PAX5: variants seen among roughly 807,000 people sequenced by gnomAD.
PAX5 encodes paired box 5, also known as paired box protein Pax-5.
In PAX5, 9 loss-of-function variants were observed where a neutral mutation model predicts 43.7. That is an observed-to-expected ratio of 0.21 (90% CI 0.12 to 0.36). The LOEUF (loss-of-function observed/expected upper bound fraction) is 0.36. Ranked by LOEUF, PAX5 falls within the 10% of genes least tolerant of loss-of-function variation. PAX5 has a pLI of 1.00. For synonymous variants in PAX5, 228 were observed against 214.3 expected (o/e 1.06, Z -0.56); for missense variants, 383 against 532.7 (o/e 0.72, Z 2.77).
intron 7 of PAX5, among the ~76,000 whole-genome samples, chr9:36,894,700 C>G (rs1827698437): frequency 2.6e-5 from 4 of 152,246 alleles, no homozygotes. Context: ...AGCACAGGGC[C>G]CAGCACAGAG....
chr9:36,855,737 G>A (rs1016152655), intron 8 of PAX5, among the ~76,000 whole-genome samples: 1 of 151,986 alleles, frequency 6.6e-6, no homozygotes, highest in Non-Finnish European at 1.5e-5. Flanking sequence ...ACCCCTACCC[G>A]CCACAAGCCA....
intron 8 of PAX5, among the ~76,000 whole-genome samples, chr9:36,868,738 T>G (rs182226073): frequency 6.6e-6 from 1 of 152,124 alleles, no homozygotes; most frequent in Non-Finnish European, 1.5e-5. Flanking sequence ...CACCGGAGGC[T>G]CAGAGACCCT....
Position 37,031,521 on chromosome 9 carries a change from A to G in PAX5, c.46+2465T>C, listed in dbSNP as rs531637465. ...GTTCCCATGGCAAGGAGAGACTACT[A>G]CTTGTCCAAGTAGTAGTTTTTCTCC... On this transcript the variant is annotated intron_variant, in intron 1 of 9. Transcript: ENST00000358127. 3.1e-3 allele frequency among the ~76,000 whole-genome samples: 473 copies of G among 152,140 alleles called. 1 individual carries two copies. The highest frequency in any genetic ancestry group is 0.01 in the Middle Eastern group (3 of 294).
At position 36,835,848 on chromosome 9, in the gene PAX5, A is replaced by G. The variant is rs756462347; in HGVS notation, c.*4712T>C. ...GCTCAGAGCCCTGTGGGATCCACCC[A>G]TGCCTGCCTGGGCCTGGCCTGGCCG... On this transcript the variant is annotated 3_prime_UTR_variant, in exon 10 of 10. Coordinates refer to ENST00000358127, the MANE Select transcript of PAX5 (RefSeq NM_016734.3). The G allele has an allele frequency of 4.3e-6, 1 of 232,990 alleles. No homozygotes were observed. The highest frequency in any genetic ancestry group is 8.5e-6 in the Non-Finnish European group (1 of 118,124). 14.4% of individuals were successfully genotyped at this position (232,990 alleles called of 1,614,324 possible). A position where few individuals can be genotyped will look rare whatever the true frequency, so the allele number is the denominator to read the frequency against.
intron 6 of PAX5, among the ~76,000 whole-genome samples, chr9:36,945,428 G>A (rs1184243591): frequency 1.3e-5 from 2 of 152,104 alleles, no homozygotes; most frequent in Non-Finnish European, 1.5e-5. Flanking sequence ...TTTTTGTAGG[G>A]ATGAGGTCTT....
chr9:37,008,956 T>C (rs1185424782), intron 3 of PAX5, among the ~76,000 whole-genome samples: 2 of 152,202 alleles, frequency 1.3e-5, no homozygotes, highest in African/African-American at 4.8e-5. Context: ...TCACTTTCTC[T>C]GTGTGTATGT....
chr9:36,867,984 C>T (rs1242240859), intron 8 of PAX5, among the ~76,000 whole-genome samples: 1 of 152,198 alleles, frequency 6.6e-6, no homozygotes, highest in African/African-American at 2.4e-5. Flanking sequence ...ACCCCGCGTT[C>T]CCGGCCCCGG....
intron 5 of PAX5, among the ~76,000 whole-genome samples, chr9:36,985,332 G>A (rs1836300691): frequency 6.6e-6 from 1 of 152,142 alleles, no homozygotes; most frequent in Admixed American, 6.5e-5. Flanking sequence ...GGGCTTTTTT[G>A]GATGAAAGGT....
At chr9:36,957,301 G>A (rs551231159) in intron 6 of PAX5, among the ~76,000 whole-genome samples, 55 of 152,294 alleles carry the variant, frequency 3.6e-4, no homozygotes, top group Middle Eastern at 3.4e-3. Flanking sequence ...GGGAAATAAC[G>A]TGCCAGAAGC....
At position 37,002,736 on chromosome 9, in the gene PAX5, C is replaced by T. The variant is rs1404785279; in HGVS notation, c.516G>A (p.Thr172=). Residue 172 remains threonine, a synonymous_variant, in exon 5 of 10, where the codon ACG becomes ACA. Coordinates refer to ENST00000358127, the MANE Select transcript of PAX5 (RefSeq NM_016734.3). ...GSVTQVSSVS[T]DSAGSSYSIS... is the part of the protein sequence containing the mutation. ...TGGAGTACGACGAGCCGGCCGAATC[C>T]GTGCTCACCGAGGACACCTGCGTCA... 2 of 1,610,528 alleles carry T rather than the reference C, an allele frequency of 1.2e-6. No individual in the cohort carries two copies. Among genetic ancestry groups the T allele is most frequent in the Non-Finnish European group, 1.7e-6 (2 of 1,178,880 alleles).
chr9:36,885,886 T>C (rs752638713), intron 7 of PAX5, among the ~76,000 whole-genome samples: 2 of 152,170 alleles, frequency 1.3e-5, no homozygotes, highest in African/African-American at 4.8e-5. Flanking sequence ...TTCAGTTTTA[T>C]GAAAAAACAA....
At chr9:37,027,932 T>G (rs1008961090) in intron 1 of PAX5, among the ~76,000 whole-genome samples, 13 of 152,292 alleles carry the variant, frequency 8.5e-5, no homozygotes, top group Admixed American at 2.6e-4. Flanking sequence ...ACAAACGCGC[T>G]GGACTAAGGC....
intron 7 of PAX5, among the ~76,000 whole-genome samples, chr9:36,885,693 G>C (rs1826849550): frequency 6.6e-6 from 1 of 152,164 alleles, no homozygotes; most frequent in Non-Finnish European, 1.5e-5. Context: ...CCACACAGAA[G>C]CATGCCTTCT....
Position 36,846,883 on chromosome 9 carries a change from C to T in PAX5, c.1059G>A (p.Ser353=), listed in dbSNP as rs774366679. The part of the protein sequence containing the change: ...GSPYSHPQYS[S]YNDSWRFPNP... ...TGGGGAACCTCCAGGAGTCGTTGTA[C>T]GAGGAATACTGAGGGTGGCTGTAGG... The change falls in exon 9 of 10, where the codon TCG becomes TCA. Residue 353 remains serine (S), a synonymous_variant. Transcript: ENST00000358127. 39 of 1,613,950 alleles carry T rather than the reference C, an allele frequency of 2.4e-5. No individual in the cohort carries two copies. The highest frequency in any genetic ancestry group is 1.6e-4 in the Middle Eastern group (1 of 6,084).
intron 1 of PAX5, among the ~76,000 whole-genome samples, chr9:37,029,647 C>T (rs996159179): frequency 7.2e-5 from 11 of 152,200 alleles, no homozygotes; most frequent in African/African-American, 2.4e-4. Context: ...AATTCAGATC[C>T]TCGGCCCAGA....
In PAX5 at chr9:37,026,798, G is replaced by A. The variant is rs570588103; in HGVS notation, c.47-5997C>T. The A allele has an allele frequency of 9.0e-5, 79 of 877,570 alleles. No individual in the cohort carries two copies. The African/African-American group carries it at 1.3e-3, about 15-fold the overall frequency. 54.4% of individuals were successfully genotyped at this position (877,570 alleles called of 1,614,324 possible). On this transcript the variant is annotated intron_variant, in intron 1 of 9. Coordinates refer to ENST00000358127, the MANE Select transcript of PAX5 (RefSeq NM_016734.3). ...GTGCTAGCGCACCCGGGCTAGGAGC[G>A]GGTGCCCAACTCCGGCTGGCTTCCC...
intron 3 of PAX5, among the ~76,000 whole-genome samples, chr9:37,014,046 C>G (rs1336612847): frequency 6.6e-6 from 1 of 152,166 alleles, no homozygotes; most frequent in East Asian, 1.9e-4. Flanking sequence ...GGAAACTGTC[C>G]AAGTTTTCAG....
chr9:36,958,490 G>A (rs111968325), intron 6 of PAX5, among the ~76,000 whole-genome samples: 1 of 152,016 alleles, frequency 6.6e-6, no homozygotes, highest in African/African-American at 2.4e-5. Context: ...GTGAGGAGGT[G>A]GGGGAGCAGA....
At chr9:36,892,652 G>T (rs1286592588) in intron 7 of PAX5, among the ~76,000 whole-genome samples, 1 of 152,144 alleles carries the variant, frequency 6.6e-6, no homozygotes, top group Non-Finnish European at 1.5e-5. Context: ...TCAGCTTCTA[G>T]GACTTCACCT....
Sources: allele counts gnomAD v4.1 joint callset (sites outside exome capture counted in the v4.1 genomes callset), GRCh38; gene constraint gnomAD v4.1.1; transcripts MANE v1.5; gene names NCBI Gene and HGNC (gene_info 2026-07-23, HGNC 2026-07-21).